Variants in MDN1 observed in about 807,000 individuals in gnomAD.
MDN1 encodes midasin.
Under a neutral mutation model 669.2 loss-of-function variants are expected in MDN1, and 266 were observed. The observed-to-expected ratio is 0.40, with a 90% CI of 0.36 to 0.44. The LOEUF (loss-of-function observed/expected upper bound fraction) is 0.44, where lower values mean the gene tolerates loss of function less well. Ranked by LOEUF, MDN1 falls within the 20% of genes least tolerant of loss-of-function variation. The pLI, the probability that MDN1 is intolerant of heterozygous loss-of-function variation, is 1.00. For synonymous variants in MDN1, 2,385 were observed against 2,457.1 expected (o/e 0.97, Z 0.87); for missense variants, 5,940 against 6,754.0 (o/e 0.88, Z 4.22).
chr6:89,677,498 A>T, intron 76 of MDN1, 72 bp downstream of exon 76: 1 of 1,585,548 alleles, frequency 6.3e-7, no homozygotes, highest in Non-Finnish European at 8.6e-7. Flanking sequence ...CAATGTGCAA[A>T]TGAGGACAAG....
At chr6:89,660,729 A>C (rs1282105916) in intron 88 of MDN1, among the ~76,000 whole-genome samples, 2 of 152,060 alleles carry the variant, frequency 1.3e-5, no homozygotes, top group East Asian at 3.9e-4. Context: ...TTTTTGTTCT[A>C]ATACAGCATT....
intron 91 of MDN1, 100 bp from the exon 92 acceptor site, chr6:89,656,068 A>G: frequency 9.8e-7 from 1 of 1,021,678 alleles, no homozygotes; most frequent in Middle Eastern, 2.1e-4. Context: ...TAAGTAAATC[A>G]GGTGTAGCCA....
chr6:89,740,450 T>C, intron 31 of MDN1, 72 bp from the exon 32 acceptor site: 1 of 1,377,484 alleles, frequency 7.3e-7, no homozygotes. Flanking sequence ...CAATGCTCTT[T>C]AAAAGAAAAA....
chr6:89,690,974 T>C, intron 63 of MDN1, 140 bp from the exon 64 acceptor site: 1 of 1,021,612 alleles, frequency 9.8e-7, no homozygotes, highest in Non-Finnish European at 1.4e-6. Flanking sequence ...AGAAACTAAA[T>C]TCCATGGAAT....
At chr6:89,692,189 A>G (rs1812416598) in intron 63 of MDN1, among the ~76,000 whole-genome samples, 1 of 152,246 alleles carries the variant, frequency 6.6e-6, no homozygotes, top group African/African-American at 2.4e-5. Flanking sequence ...AAGACAACTG[A>G]CAAACTGGGA....
intron 27 of MDN1, 103 bp from the exon 28 acceptor site, chr6:89,745,729 C>T: frequency 1.7e-6 from 2 of 1,156,168 alleles, no homozygotes; most frequent in Non-Finnish European, 2.4e-6. Context: ...TCATACGCGG[C>T]TGGTGAGGTA....
At chr6:89,746,611 A>AAAAAGAAAGAAAGAAAGAAAGAAAGAAAG (rs1554191094) in intron 27 of MDN1, among the ~76,000 whole-genome samples, 1 of 40,530 alleles carries the variant, frequency 2.5e-5, no homozygotes, top group African/African-American at 9.1e-5. Flanking sequence ...AAAAAAAAAA[A>AAAAAGAAAGAAAGAAAGAAAGAAAGAAAG]AAAGAAAGAA....
At chr6:89,795,511 T>C (rs1236043918) in intron 2 of MDN1, among the ~76,000 whole-genome samples, 3 of 151,980 alleles carry the variant, frequency 2.0e-5, no homozygotes, top group Non-Finnish European at 4.4e-5. Flanking sequence ...GGAAGATCAT[T>C]TGCCAGGTTC....
At position 89,780,240 on chromosome 6, in the gene MDN1, A is replaced by T; in HGVS notation, c.1697T>A (p.Leu566Ter). 1 of 1,584,852 alleles carries T rather than the reference A, an allele frequency of 6.3e-7. No individual in the cohort carries two copies. The highest frequency in any genetic ancestry group is 8.6e-7 in the Non-Finnish European group (1 of 1,167,534). The change falls in exon 11 of 102, where the codon TTA (leucine) becomes TAA (stop). Residue 566 changes from leucine to a stop codon, truncating the protein, a stop_gained. Transcript: ENST00000369393. LOFTEE classifies it high-confidence loss of function. ...RIAHSFDSSSLSASLNIFQEA... is the reference protein window; with the variant it reads ...RIAHSFDSSS ...TTGAAAAATATTTAATGATGCTGAT[A>T]AAGATGAACTGTCAAAGCTATGGGC...
chr6:89,692,081 T>G (rs1047185557), intron 63 of MDN1, among the ~76,000 whole-genome samples: 1 of 152,186 alleles, frequency 6.6e-6, no homozygotes, highest in Non-Finnish European at 1.5e-5. Context: ...TTTAGTATTC[T>G]CTTAATTGCA....
intron 31 of MDN1, 139 bp downstream of exon 31, chr6:89,743,011 G>T: frequency 9.8e-7 from 1 of 1,023,960 alleles, no homozygotes; most frequent in Non-Finnish European, 1.4e-6. Flanking sequence ...GAGCCCAGAA[G>T]TTTGAGGCTA....
intron 12 of MDN1, among the ~76,000 whole-genome samples, chr6:89,775,614 C>T (rs1818313365): frequency 6.6e-6 from 1 of 152,160 alleles, no homozygotes; most frequent in Non-Finnish European, 1.5e-5. Flanking sequence ...TTAACAATGT[C>T]AGCAATGAAA....
In MDN1 at chr6:89,650,814, G is replaced by C; in HGVS notation, c.15949C>G (p.Leu5317Val). 1 of 1,614,060 alleles carries C rather than the reference G, an allele frequency of 6.2e-7. No individual in the cohort carries two copies. ...KVAAEMWQSY[L>V]ILTAPLSQRL... ...TGTGAAAGAGGCGCTGTTAAGATCA[G>C]GTAACTCTGCCACATCTCAGCTGCA... Residue 5317 changes from leucine to valine, a missense_variant, in exon 96 of 102, where the codon CTG becomes GTG. Transcript: ENST00000369393.
At chr6:89,733,376 TAAG>T (rs1314142050) in intron 33 of MDN1, among the ~76,000 whole-genome samples, 2 of 152,126 alleles carry the variant, frequency 1.3e-5, no homozygotes, top group East Asian at 3.9e-4. Context: ...AGAAAATACT[TAAG>T]TAGTATATAT....
At chr6:89,681,228 C>T (rs1811597587) in intron 73 of MDN1, among the ~76,000 whole-genome samples, 2 of 152,000 alleles carry the variant, frequency 1.3e-5, no homozygotes, top group South Asian at 4.2e-4. Context: ...GGCTGAAGTG[C>T]AGTGACCCGA....
intron 74 of MDN1, 26 bp from the exon 75 acceptor site, chr6:89,678,771 G>A: frequency 1.3e-6 from 2 of 1,595,564 alleles, no homozygotes; most frequent in East Asian, 2.2e-5. Context: ...AGGCGGGGAG[G>A]GGAGACAATA....
chr6:89,667,993 T>C (rs775297875), intron 84 of MDN1, 21 bp downstream of exon 84: 20 of 1,613,782 alleles, frequency 1.2e-5, no homozygotes, highest in Non-Finnish European at 1.6e-5. Context: ...CTGTCAACTG[T>C]ATACCTATGT....
chr6:89,673,398 C>T lies in MDN1; in HGVS notation c.13312G>A (p.Gly4438Ser), dbSNP rs1183090743. 1 of 1,614,114 alleles carries T rather than the reference C, an allele frequency of 6.2e-7. No homozygotes were observed. Among genetic ancestry groups the T allele is most frequent in the South Asian group, 1.1e-5 (1 of 91,084 alleles). ...GGAAGAATGAACAAGGACTCTAGGCCCTGCAAATGAACTGACACCTGGGAC... is the reference window on the plus strand; with the variant it reads ...GGAAGAATGAACAAGGACTCTAGGCTCTGCAAATGAACTGACACCTGGGAC... ...CLSQVSVHLQ[G>S]LESLFILPGM... Residue 4438 changes from glycine to serine, a missense_variant, in exon 80 of 102, where the codon GGC becomes AGC. Coordinates refer to ENST00000369393, the MANE Select transcript of MDN1 (RefSeq NM_014611.3).
At chr6:89,657,279 T>C (rs1809383324) in intron 90 of MDN1, among the ~76,000 whole-genome samples, 1 of 152,232 alleles carries the variant, frequency 6.6e-6, no homozygotes, top group South Asian at 2.1e-4. Flanking sequence ...CAATGAATAT[T>C]TGTGGTGGTG....
Sources: gnomAD v4.1 joint callset for allele counts (sites outside exome capture counted in the v4.1 genomes callset) on GRCh38, gnomAD v4.1.1 for gene constraint, MANE v1.5 for transcripts, NCBI Gene and HGNC (gene_info 2026-07-23, HGNC 2026-07-21) for gene names.